CTTNBP2: variants seen among roughly 807,000 people sequenced by gnomAD.
CTTNBP2 encodes cortactin-binding protein 2.
Under a neutral mutation model 156.9 loss-of-function variants are expected in CTTNBP2, and 108 were observed. The observed-to-expected ratio is 0.69, with a 90% CI of 0.59 to 0.81. The LOEUF (loss-of-function observed/expected upper bound fraction) is 0.81. Ranked by LOEUF, CTTNBP2 falls within the 30% of genes least tolerant of loss-of-function variation. The pLI is 0.00. For missense variants in CTTNBP2, 1,924 were observed against 2,035.4 expected (o/e 0.95, Z 1.05); for synonymous variants, 767 against 751.8 (o/e 1.02, Z -0.33).
rs1794071268 is a variant in CTTNBP2 at position 117,711,792 on chromosome 7, A to T, written c.4747-10T>A. The T allele has an allele frequency of 8.1e-6, 13 of 1,600,722 alleles. No individual in the cohort carries two copies. Among genetic ancestry groups the T allele is most frequent in the Non-Finnish European group, 1.1e-5 (13 of 1,172,444 alleles). Reference sequence around the variant, plus strand: ...TGAGAGGACTGACCTCCTGTAAGAGACAAGAAACCACACAAGTTTATCACA... The same window carrying T: ...TGAGAGGACTGACCTCCTGTAAGAGTCAAGAAACCACACAAGTTTATCACA... On this transcript the variant is annotated splice_polypyrimidine_tract_variant and intron_variant, in intron 22 of 22. Transcript: ENST00000160373.
At chr7:117,842,323 C>T (rs965021812) in intron 2 of CTTNBP2, among the ~76,000 whole-genome samples, 1 of 152,140 alleles carries the variant, frequency 6.6e-6, no homozygotes, top group African/African-American at 2.4e-5. Flanking sequence ...GCCTCAGCCA[C>T]CTGAATAGCT....
rs114840051 is a variant in CTTNBP2 at position 117,841,179 on chromosome 7, C to A, written c.189+20030G>T. 6.9e-3 allele frequency among the ~76,000 whole-genome samples: 1,052 copies of A among 152,182 alleles called. 7 individuals are homozygous for A. The highest frequency in any genetic ancestry group is 0.024 in the African/African-American group (989 of 41,504). On this transcript the variant is annotated intron_variant, in intron 2 of 22. Coordinates refer to ENST00000160373, the MANE Select transcript of CTTNBP2 (RefSeq NM_033427.3). ...TTCTGCAAACTTCTTTACTATCTGG[C>A]CTCACAGAAGACATCTGGAGTCTGG...
Position 117,767,066 on chromosome 7 carries a change from C to G in CTTNBP2, c.2889G>C (p.Glu963Asp). ...GCTCTGAACATCACTCACTCAGATT[C>G]TCCAGCAAATGCTTGCAGTCATCAG... ...VATDDCKHLLENLNALKIPLR... is the reference protein window; with the variant it reads ...VATDDCKHLLDNLNALKIPLR... Residue 963 changes from glutamate to aspartate, a missense_variant, in exon 9 of 23, where the codon GAG (glutamate) becomes GAC (aspartate). Glu to Asp is a conservative substitution (Grantham distance 45). Transcript: ENST00000160373. 6.4e-7 allele frequency: 1 copy of G among 1,555,060 alleles called. No individual in the cohort carries two copies. Among genetic ancestry groups the G allele is most frequent in the Non-Finnish European group, 8.9e-7 (1 of 1,126,228 alleles).
intron 2 of CTTNBP2, among the ~76,000 whole-genome samples, chr7:117,844,592 C>G (rs1802472515): frequency 6.6e-6 from 1 of 152,152 alleles, no homozygotes; most frequent in Non-Finnish European, 1.5e-5. Flanking sequence ...AACTAGCAAG[C>G]AACCATTCTA....
intron 4 of CTTNBP2, among the ~76,000 whole-genome samples, chr7:117,787,035 A>C (rs930636417): frequency 6.6e-6 from 1 of 152,148 alleles, no homozygotes; most frequent in Non-Finnish European, 1.5e-5. Context: ...AAAACTGTAA[A>C]TATGTTTTAT....
chr7:117,861,766 A>G (rs1418330972), intron 1 of CTTNBP2, among the ~76,000 whole-genome samples: 1 of 152,096 alleles, frequency 6.6e-6, no homozygotes, highest in African/African-American at 2.4e-5. Flanking sequence ...TCATGCTTAT[A>G]CACTCTGCAG....
At chr7:117,858,239 A>G (rs1049936266) in intron 2 of CTTNBP2, among the ~76,000 whole-genome samples, 10 of 152,122 alleles carry the variant, frequency 6.6e-5, no homozygotes, top group Admixed American at 3.9e-4. Context: ...GCATGGTGGC[A>G]GGCACCTGTA....
rs1183181279 is a variant in CTTNBP2 at position 117,841,775 on chromosome 7, TA to T, written c.189+19433del. ...ACCACTACTAACTGGTGTCATCAGA[TA>T]AAAGATTACTTCTCTTTTTCATGAT... On this transcript the variant is annotated intron_variant, in intron 2 of 22. Coordinates refer to ENST00000160373, the MANE Select transcript of CTTNBP2 (RefSeq NM_033427.3). Among the ~76,000 whole-genome samples the T allele has an allele frequency of 2.0e-5, 3 of 152,288 alleles. No individual in the cohort carries two copies. In the East Asian group the frequency reaches 5.8e-4, roughly 29 times the overall value.
chr7:117,804,126 C>T (rs1171527707), intron 3 of CTTNBP2, among the ~76,000 whole-genome samples: 1 of 152,050 alleles, frequency 6.6e-6, no homozygotes, highest in African/African-American at 2.4e-5. Context: ...ACATACCTGG[C>T]TAATTTTTGT....
chr7:117,855,459 T>C (rs953009371), intron 2 of CTTNBP2, among the ~76,000 whole-genome samples: 1 of 152,158 alleles, frequency 6.6e-6, no homozygotes, highest in Non-Finnish European at 1.5e-5. Context: ...TTGACTAGTA[T>C]TACCTCCTTA....
intron 12 of CTTNBP2, among the ~76,000 whole-genome samples, chr7:117,748,839 AC>A (rs1237703587): frequency 6.6e-6 from 1 of 152,134 alleles, no homozygotes; most frequent in Non-Finnish European, 1.5e-5. Context: ...TGAAATTCTA[AC>A]CCCCAAGGTG....
intron 19 of CTTNBP2, among the ~76,000 whole-genome samples, chr7:117,723,046 C>A (rs1312234370): frequency 6.6e-6 from 1 of 152,140 alleles, no homozygotes; most frequent in East Asian, 1.9e-4. Flanking sequence ...GGGGTCTATA[C>A]TAAATTGGTG....
chr7:117,789,572 T>C (rs1355746932), intron 4 of CTTNBP2, among the ~76,000 whole-genome samples: 1 of 152,206 alleles, frequency 6.6e-6, no homozygotes, highest in East Asian at 1.9e-4. Context: ...TTCAACTCAG[T>C]AATACCATTT....
In CTTNBP2 at chr7:117,745,882, C is replaced by T. The variant is rs1342977525; in HGVS notation, c.3484G>A (p.Val1162Ile). 1.2e-6 allele frequency: 2 copies of T among 1,614,162 alleles called. No homozygotes were observed. The highest frequency in any genetic ancestry group is 1.3e-5 in the African/African-American group (1 of 75,066). ...GFSCEIVRAE[V>I]DAGFSKEQLL... ...TGTTCCTTGGAAAAACCAGCATCTA[C>T]TTCAGCTCTCACTATTTCACAGGAG... Residue 1162 changes from valine (V) to isoleucine (I), a missense_variant, in exon 14 of 23, where the codon GTA becomes ATA. Coordinates refer to ENST00000160373, the MANE Select transcript of CTTNBP2 (RefSeq NM_033427.3).
Position 117,724,599 on chromosome 7 carries a change from C to T in CTTNBP2, c.4395G>A (p.Lys1465=). ...WRKVNTSPRR[K]SGRFSLPTWN... is the part of the protein sequence containing the mutation. ...AGGTGGGTAAAGAGAAGCGGCCAGACTTCCTGCGAGGACTGGTGTTCACCT... is the reference window on the plus strand; with the variant it reads ...AGGTGGGTAAAGAGAAGCGGCCAGATTTCCTGCGAGGACTGGTGTTCACCT... The change falls in exon 19 of 23, where the codon AAG becomes AAA. Residue 1465 remains lysine, a synonymous_variant. Transcript: ENST00000160373. 2 of 1,614,110 alleles carry T rather than the reference C, an allele frequency of 1.2e-6. No individual in the cohort carries two copies. The highest frequency in any genetic ancestry group is 8.5e-7 in the Non-Finnish European group (1 of 1,180,026).
intron 9 of CTTNBP2, among the ~76,000 whole-genome samples, chr7:117,762,517 G>A (rs1268728255): frequency 6.6e-6 from 1 of 152,120 alleles, no homozygotes; most frequent in Non-Finnish European, 1.5e-5. Flanking sequence ...ACTGTATCCA[G>A]AACCCAAGTC....
intron 2 of CTTNBP2, among the ~76,000 whole-genome samples, chr7:117,822,097 A>AT (rs1277792502): frequency 6.6e-6 from 1 of 152,084 alleles, no homozygotes; most frequent in African/African-American, 2.4e-5. Flanking sequence ...GGCTATTTGG[A>AT]TTTTTTATTC....
intron 2 of CTTNBP2, among the ~76,000 whole-genome samples, chr7:117,833,167 AG>A (rs1214093576): frequency 1.3e-5 from 2 of 152,174 alleles, no homozygotes; most frequent in Non-Finnish European, 2.9e-5. Context: ...CCTACAGCCC[AG>A]GAATCTGCTG....
intron 2 of CTTNBP2, among the ~76,000 whole-genome samples, chr7:117,843,900 A>G (rs1802417639): frequency 6.6e-6 from 1 of 152,164 alleles, no homozygotes; most frequent in Non-Finnish European, 1.5e-5. Context: ...TACATGGCAA[A>G]AGGGATGTTG....
Sources: gnomAD v4.1 joint callset for allele counts (sites outside exome capture counted in the v4.1 genomes callset) on GRCh38, gnomAD v4.1.1 for gene constraint, MANE v1.5 for transcripts, NCBI Gene and HGNC (gene_info 2026-07-23, HGNC 2026-07-21) for gene names.